CLIP4: variants seen among roughly 807,000 people sequenced by gnomAD.
CLIP4 encodes CAP-Gly domain-containing linker protein 4.
A neutral mutation model predicts 73.1 loss-of-function variants in CLIP4; 47 were observed. That is an observed-to-expected ratio of 0.64 (90% CI 0.51 to 0.82). The LOEUF is 0.82. CLIP4 is among the 40% of genes least tolerant of loss of function. The probability of loss-of-function intolerance (pLI) is 0.00; values close to 1 mark genes in which losing one functional copy is unlikely to be tolerated. For missense variants in CLIP4, 874 were observed against 852.9 expected (o/e 1.02, Z -0.31); for synonymous variants, 306 against 295.4 (o/e 1.04, Z -0.37).
At position 29,157,282 on chromosome 2, in the gene CLIP4, A is replaced by G; in HGVS notation, c.1334A>G (p.Asn445Ser). Reference protein sequence around the residue: ...EHRQSYPKKQNAISSNKKTMS... With the variant: ...EHRQSYPKKQSAISSNKKTMS... Reference sequence around the variant, plus strand: ...AGACAGAGCTACCCCAAGAAACAGAATGCAATCAGCAGTAACAAGAAGACA... The same window carrying G: ...AGACAGAGCTACCCCAAGAAACAGAGTGCAATCAGCAGTAACAAGAAGACA... Residue 445 changes from asparagine (N) to serine (S), a missense_variant, in exon 11 of 16, where the codon AAT becomes AGT. Transcript: ENST00000320081. 3 of 1,614,148 alleles carry G rather than the reference A, an allele frequency of 1.9e-6. No homozygotes were observed. Among genetic ancestry groups the G allele is most frequent in the Non-Finnish European group, 2.5e-6 (3 of 1,180,004 alleles).
rs1435841882 is a variant in CLIP4, at chr2:29,115,694, G to C, written c.-16+29G>C. ...GGCCGGGGGCGCGCGGGGCCCCCCC[G>C]GGCCGCGGGCTGGCCGGCGGCGGGG... On this transcript the variant is annotated intron_variant, in intron 1 of 15. Transcript: ENST00000320081. This position sits in a 1 kb window ranked among gnomAD's most constrained non-coding sequence, Gnocchi z 5.1. The C allele has an allele frequency of 6.8e-6, 1 of 147,538 alleles. No individual in the cohort carries two copies. Among genetic ancestry groups the C allele is most frequent in the South Asian group, 2.1e-4 (1 of 4,804 alleles). The allele number at this position is 147,538 out of a possible 1,614,324, so 9.1% of individuals were successfully genotyped here.
chr2:29,180,772 C>T (rs1668600367), intron 15 of CLIP4, among the ~76,000 whole-genome samples: 1 of 150,872 alleles, frequency 6.6e-6, no homozygotes, highest in Non-Finnish European at 1.5e-5. Flanking sequence ...TTTGATAATA[C>T]TGGTAGAAAT....
chr2:29,167,855 T>A (rs138020307), intron 14 of CLIP4: 3 of 202,066 alleles, frequency 1.5e-5, no homozygotes, highest in Non-Finnish European at 3.0e-5. Context: ...TATATAGATA[T>A]ATCAATAAAT....
At chr2:29,114,102 T>C (rs536437979), upstream of CLIP4, 1 of 151,648 alleles carries the variant, frequency 6.6e-6, no homozygotes, top group East Asian at 2.0e-4. Flanking sequence ...TGGGTTTTAG[T>C]CAAGTGTGCT....
Position 29,135,614 on chromosome 2 carries a change from G to A in CLIP4, c.596G>A (p.Cys199Tyr), listed in dbSNP as rs1665295815. The A allele has an allele frequency of 6.2e-7, 1 of 1,611,212 alleles. No individual in the cohort carries two copies. Among genetic ancestry groups the A allele is most frequent in the African/African-American group, 1.3e-5 (1 of 74,792 alleles). Residue 199 changes from cysteine (C) to tyrosine (Y), a missense_variant, in exon 6 of 16, where the codon TGT becomes TAT. Cys to Tyr is a radical substitution (Grantham distance 194). Coordinates refer to ENST00000320081, the MANE Select transcript of CLIP4 (RefSeq NM_024692.6). ...TTGCATATTGCAGCATACAACTTGT[G>A]TGCAGGTGCTGTGAAGTGCCTCTTG... The part of the protein sequence containing the change: ...TALHIAAYNL[C>Y]AGAVKCLLEQ...
At chr2:29,106,313 C>T (rs1668205797) in intron 1 of CLIP4, among the ~76,000 whole-genome samples, 1 of 152,170 alleles carries the variant, frequency 6.6e-6, no homozygotes, top group Admixed American at 6.5e-5. Context: ...GATCTCATTA[C>T]CCTTCTCACG....
chr2:29,162,997 A>C (rs1667388823), intron 12 of CLIP4, among the ~76,000 whole-genome samples: 2 of 152,096 alleles, frequency 1.3e-5, no homozygotes, highest in Admixed American at 1.3e-4. Context: ...TTACTACTGT[A>C]CACTCCTTTT....
At chr2:29,114,726 CTG>C (rs1181061430), upstream of CLIP4, among the ~76,000 whole-genome samples, 3 of 152,356 alleles carry the variant, frequency 2.0e-5, no homozygotes, top group Non-Finnish European at 4.4e-5. Context: ...CTGCCAGGCA[CTG>C]TGCGCGCTGA....
At chr2:29,175,346 G>T (rs1489439349) in intron 15 of CLIP4, 2 of 152,272 alleles carry the variant, frequency 1.3e-5, no homozygotes, top group Admixed American at 1.3e-4. Flanking sequence ...CCAATTTTGA[G>T]AATTTTGAAG....
chr2:29,155,741 A>G (rs1666882002), intron 9 of CLIP4, among the ~76,000 whole-genome samples: 1 of 152,128 alleles, frequency 6.6e-6, no homozygotes, highest in South Asian at 2.1e-4. Context: ...TATGCTAATA[A>G]TGTCTGACTG....
At chr2:29,164,061 T>G (rs1667454949) in intron 13 of CLIP4, 107 bp downstream of exon 13, 3 of 991,634 alleles carry the variant, frequency 3.0e-6, no homozygotes, top group South Asian at 3.6e-5. Context: ...GTAGCTCATG[T>G]CTTCTTTCAA....
At chr2:29,154,444 A>G (rs1224519898) in intron 9 of CLIP4, among the ~76,000 whole-genome samples, 4 of 152,202 alleles carry the variant, frequency 2.6e-5, no homozygotes, top group Non-Finnish European at 5.9e-5. Context: ...AGGGAAATCC[A>G]TGTCTCTGAC....
chr2:29,099,308 T>G (rs917709782), intron 1 of CLIP4, among the ~76,000 whole-genome samples: 6 of 152,264 alleles, frequency 3.9e-5, no homozygotes, highest in African/African-American at 1.4e-4. Flanking sequence ...TCCTATGTTA[T>G]CTTCTAGATA....
intron 13 of CLIP4, among the ~76,000 whole-genome samples, chr2:29,165,233 C>G (rs1667528855): frequency 6.6e-6 from 1 of 150,544 alleles, no homozygotes; most frequent in South Asian, 2.1e-4. Context: ...TAAGCCCTTG[C>G]TTTTAGATGG....
Position 29,163,816 on chromosome 2 carries a change from A to C in CLIP4, c.1535-15A>C. The C allele has an allele frequency of 3.1e-6, 5 of 1,607,250 alleles. No homozygotes were observed. The highest frequency in any genetic ancestry group is 4.2e-6 in the Non-Finnish European group (5 of 1,177,608). On this transcript the variant is annotated splice_polypyrimidine_tract_variant and intron_variant, in intron 12 of 15. Transcript: ENST00000320081. Reference sequence around the variant, plus strand: ...AAAGTACAGATGCTTTTGAAATGCAATATTCATGTTCTAGGATATTGGTAT... The same window carrying C: ...AAAGTACAGATGCTTTTGAAATGCACTATTCATGTTCTAGGATATTGGTAT...
chr2:29,157,969 T>C (rs1343446714), intron 11 of CLIP4, among the ~76,000 whole-genome samples: 1 of 152,234 alleles, frequency 6.6e-6, no homozygotes, highest in Non-Finnish European at 1.5e-5. Flanking sequence ...CCAGATTCTT[T>C]TTTTAGTGCT....
At position 29,115,893 on chromosome 2, in the gene CLIP4, G is replaced by A. The variant is rs1177533082; in HGVS notation, c.-16+228G>A. On this transcript the variant is annotated intron_variant, in intron 1 of 15. Coordinates refer to ENST00000320081, the MANE Select transcript of CLIP4 (RefSeq NM_024692.6). The surrounding 1 kb of genome is among the most constrained non-coding windows in gnomAD (Gnocchi z 5.1). ...GAGCGGCCCACCCGGCGGGGATGGG[G>A]ACTCCTCGTGGCGGCCGCTGACGGA... Among the ~76,000 whole-genome samples the A allele has an allele frequency of 6.6e-6, 1 of 152,018 alleles. No individual in the cohort carries two copies. Among genetic ancestry groups the A allele is most frequent in the Non-Finnish European group, 1.5e-5 (1 of 67,938 alleles).
Position 29,152,880 on chromosome 2 carries a change from G to A in CLIP4, c.1165+52G>A. 3 of 1,580,794 alleles carry A rather than the reference G, an allele frequency of 1.9e-6. No individual in the cohort carries two copies. In the South Asian group the frequency reaches 3.5e-5, roughly 19 times the overall value. ...CTGCTTCAGTGTTTTAATTTTATTT[G>A]TAGAATTCCTAATATTTAGATTGCT... On this transcript the variant is annotated intron_variant, in intron 9 of 15. Transcript: ENST00000320081.
At chr2:29,136,744 G>C (rs188424834) in intron 6 of CLIP4, among the ~76,000 whole-genome samples, 282 of 152,192 alleles carry the variant, frequency 1.9e-3, no homozygotes, top group African/African-American at 5.8e-3. Context: ...AGAGAGTAGC[G>C]TGCAAGAAGC....
Sources: allele counts gnomAD v4.1 joint callset (sites outside exome capture counted in the v4.1 genomes callset), GRCh38; gene constraint gnomAD v4.1.1; non-coding constraint Gnocchi (gnomAD v3.1); transcripts MANE v1.5; gene names NCBI Gene and HGNC (gene_info 2026-07-23, HGNC 2026-07-21).